Variants in RBFOX1 observed in about 807,000 individuals in gnomAD.
RBFOX1 encodes the protein RNA binding protein fox-1 homolog 1.
RBFOX1 carries 8 observed loss-of-function variants against 57.7 expected under a neutral mutation model. The ratio of observed to expected loss-of-function variants is 0.14; its 90% CI spans 0.08 to 0.25. The LOEUF (loss-of-function observed/expected upper bound fraction) is 0.25. Ranked by LOEUF, RBFOX1 falls within the 10% of genes least tolerant of loss-of-function variation. The probability of loss-of-function intolerance (pLI) is 1.00; values close to 1 mark genes in which losing one functional copy is unlikely to be tolerated. For missense variants in RBFOX1, 611 were observed against 548.5 expected (o/e 1.11, Z -1.14); for synonymous variants, 326 against 222.4 (o/e 1.47, Z -4.15).
chr16:6,984,932 C>T (rs961222771), intron 3 of RBFOX1, among the ~76,000 whole-genome samples: 3 of 152,108 alleles, frequency 2.0e-5, no homozygotes, highest in African/African-American at 4.8e-5. Flanking sequence ...TGAGACATTG[C>T]ACCCGGTACC....
chr16:5,934,407 C>T (rs981894307), intron 4 of RBFOX1, among the ~76,000 whole-genome samples: 1 of 152,114 alleles, frequency 6.6e-6, no homozygotes, highest in African/African-American at 2.4e-5. Context: ...GTAAAGCTTC[C>T]TTTCTAAATC....
intron 1 of RBFOX1, among the ~76,000 whole-genome samples, chr16:6,227,726 G>C (rs2097428580): frequency 1.3e-5 from 2 of 152,192 alleles, no homozygotes; most frequent in Admixed American, 1.3e-4. Context: ...AGCTGAAGTA[G>C]CTCTATAGGG....
At chr16:6,702,148 G>T (rs952630023) in intron 3 of RBFOX1, among the ~76,000 whole-genome samples, 1 of 152,108 alleles carries the variant, frequency 6.6e-6, no homozygotes, top group Admixed American at 6.5e-5. Context: ...CAGCAGGGAC[G>T]GAACCAAGCC....
At chr16:6,030,694 C>G (rs2095275664) in intron 1 of RBFOX1, among the ~76,000 whole-genome samples, 1 of 152,282 alleles carries the variant, frequency 6.6e-6, no homozygotes, top group East Asian at 1.9e-4. Context: ...TAGTGCAGTG[C>G]TTGGTATCTT....
intron 1 of RBFOX1, among the ~76,000 whole-genome samples, chr16:5,311,173 A>C (rs2064077844): frequency 1.3e-5 from 2 of 152,182 alleles, no homozygotes; most frequent in Admixed American, 1.3e-4. Flanking sequence ...ACATTATTTC[A>C]TTCTTTTTTA....
Position 5,650,813 on chromosome 16 carries a change from C to T in RBFOX1, c.318+51852C>T, listed in dbSNP as rs2049210675. 2.6e-5 allele frequency among the ~76,000 whole-genome samples: 4 copies of T among 152,176 alleles called. No homozygotes were observed. The South Asian group carries it at 8.3e-4, about 32-fold the overall frequency. Reference sequence around the variant, plus strand: ...GTTAACAGACGGACACAGTCTTTGTCCTTATGGAGGACGGGGCAGCAGGCG... The same window carrying T: ...GTTAACAGACGGACACAGTCTTTGTTCTTATGGAGGACGGGGCAGCAGGCG... On this transcript the variant is annotated intron_variant, in intron 3 of 19. Transcript: ENST00000641259.
At chr16:7,130,067 C>G (rs1342337229) in intron 4 of RBFOX1, among the ~76,000 whole-genome samples, 1 of 144,494 alleles carries the variant, frequency 6.9e-6, no homozygotes, top group Non-Finnish European at 1.5e-5. Context: ...GAGCCTAGCT[C>G]TGTCGCCCAG....
At chr16:5,570,782 G>A (rs982935151) in intron 2 of RBFOX1, among the ~76,000 whole-genome samples, 8 of 151,140 alleles carry the variant, frequency 5.3e-5, no homozygotes, top group African/African-American at 1.9e-4. Context: ...CGAGGTTGTA[G>A]TGAGCTGAGA....
chr16:5,509,963 G>T (rs2043523260), intron 2 of RBFOX1, among the ~76,000 whole-genome samples: 1 of 152,176 alleles, frequency 6.6e-6, no homozygotes, highest in African/African-American at 2.4e-5. Flanking sequence ...TGTGATGTCA[G>T]GGCACAAGTT....
Position 6,637,315 on chromosome 16 carries a change from T to C in RBFOX1, c.-63-17288T>C, listed in dbSNP as rs1463067685. On this transcript the variant is annotated intron_variant, in intron 2 of 15. Transcript: ENST00000550418. ...ATATAATATACAAATATATATTATA[T>C]ATTATATATATTATATAATATACAA... Among the ~76,000 whole-genome samples, 19 of 34,684 alleles carry C rather than the reference T, an allele frequency of 5.5e-4. 6 individuals are homozygous for C. Among genetic ancestry groups the C allele is most frequent in the South Asian group, 1.9e-3 (2 of 1,034 alleles). 22.8% of individuals were successfully genotyped at this position (34,684 alleles called of 152,430 possible). A position where few individuals can be genotyped will look rare whatever the true frequency, so the allele number is the denominator to read the frequency against.
intron 1 of RBFOX1, among the ~76,000 whole-genome samples, chr16:6,056,599 C>T (rs192971206): frequency 6.6e-6 from 1 of 152,264 alleles, no homozygotes; most frequent in Admixed American, 6.5e-5. Context: ...TTCCTAATTC[C>T]TGGTGGGTCT....
intron 4 of RBFOX1, among the ~76,000 whole-genome samples, chr16:7,313,227 A>G (rs1410978729): frequency 1.3e-5 from 2 of 152,100 alleles, no homozygotes; most frequent in African/African-American, 2.4e-5. Flanking sequence ...TCAACCAAAT[A>G]ATCTGTATAA....
intron 2 of RBFOX1, among the ~76,000 whole-genome samples, chr16:6,633,540 C>A (rs548721846): frequency 4.6e-5 from 7 of 152,154 alleles, no homozygotes; most frequent in South Asian, 2.1e-4. Flanking sequence ...GTGATCCCCC[C>A]ACCTGGGCCT....
At chr16:5,375,468 A>C (rs558020523) in intron 1 of RBFOX1, among the ~76,000 whole-genome samples, 1 of 152,096 alleles carries the variant, frequency 6.6e-6, no homozygotes. Context: ...TGGGATAGTG[A>C]CGGTGATAAG....
chr16:6,355,746 C>T (rs921622347), intron 2 of RBFOX1, among the ~76,000 whole-genome samples: 1 of 152,194 alleles, frequency 6.6e-6, no homozygotes, highest in East Asian at 1.9e-4. Flanking sequence ...TTTACACTCC[C>T]ACCAACAGTG....
chr16:5,273,598 G>T (rs1045305523), intron 1 of RBFOX1, among the ~76,000 whole-genome samples: 1 of 152,198 alleles, frequency 6.6e-6, no homozygotes, highest in Non-Finnish European at 1.5e-5. Context: ...CTGTGTTTAA[G>T]GTGAGAAGCG....
At chr16:5,596,758 A>G (rs1436711343) in intron 2 of RBFOX1, among the ~76,000 whole-genome samples, 3 of 152,380 alleles carry the variant, frequency 2.0e-5, no homozygotes, top group South Asian at 4.1e-4. Context: ...ACCAGTGGAC[A>G]TTCTCTCAAA....
intron 4 of RBFOX1, among the ~76,000 whole-genome samples, chr16:7,216,335 T>C (rs909365067): frequency 6.6e-6 from 1 of 150,732 alleles, no homozygotes; most frequent in Non-Finnish European, 1.5e-5. Flanking sequence ...ACTGTTTTTT[T>C]CTTCCGTAAA....
At chr16:7,237,090 C>T (rs1014643869) in intron 4 of RBFOX1, among the ~76,000 whole-genome samples, 1 of 152,176 alleles carries the variant, frequency 6.6e-6, no homozygotes, top group African/African-American at 2.4e-5. Context: ...GTTTGGGTGG[C>T]AGCCAGCTAC....
Sources: allele counts gnomAD v4.1 joint callset (sites outside exome capture counted in the v4.1 genomes callset), GRCh38; gene constraint gnomAD v4.1.1; transcripts MANE v1.5; gene names NCBI Gene and HGNC (gene_info 2026-07-23, HGNC 2026-07-21).